The following ODAD4 variants were observed in gnomAD, a reference collection of about 807,000 sequenced individuals.
The protein encoded by ODAD4 is outer dynein arm docking complex subunit 4.
In ODAD4, 49 loss-of-function variants were observed where a neutral mutation model predicts 51.8. That is an observed-to-expected ratio of 0.95 (90% confidence interval 0.75 to 1.20). The LOEUF is 1.20. ODAD4 is among the 50% of genes most tolerant of loss of function. The pLI is 0.00. For missense variants in ODAD4, 590 were observed against 586.5 expected (o/e 1.01, Z -0.06); for synonymous variants, 235 against 221.3 (o/e 1.06, Z -0.55).
chr17:41,941,580 G>A (rs1372819955), intron 7 of ODAD4, among the ~76,000 whole-genome samples: 1 of 152,024 alleles, frequency 6.6e-6, no homozygotes, highest in African/African-American at 2.4e-5. Context: ...TGGCTAACAC[G>A]GTGAAACCCC....
intron 8 of ODAD4, among the ~76,000 whole-genome samples, chr17:41,946,261 G>A (rs945717896): frequency 2.0e-5 from 3 of 152,220 alleles, no homozygotes; most frequent in Non-Finnish European, 2.9e-5. Context: ...ACTTTAGTGC[G>A]ACAGGTGTGG....
chr17:41,955,257 G>A lies in ODAD4; in HGVS notation c.1383G>A (p.Glu461=), dbSNP rs1555640830. 1.3e-6 allele frequency: 1 copy of A among 780,034 alleles called. No individual in the cohort carries two copies. The allele number at this position is 780,034 out of a possible 1,614,324, so 48.3% of individuals were successfully genotyped here. A position where few individuals can be genotyped will look rare whatever the true frequency, so the allele number is the denominator to read the frequency against. ...TCGAGTCAGCCGTGAACAATTTTGA[G>A]AAGGCCCTGGAGAGAGCAAAGCTTG... ...RDFESAVNNF[E]KALERAKLVH... The change falls in exon 10 of 12, where the codon GAG becomes GAA. Residue 461 remains glutamate (E), a synonymous_variant. Transcript: ENST00000377540.
At chr17:41,961,216 C>CAGTA (rs2050801393) in intron 10 of ODAD4, among the ~76,000 whole-genome samples, 166 bp from the exon 11 acceptor site, 3 of 152,072 alleles carry the variant, frequency 2.0e-5, no homozygotes, top group African/African-American at 7.2e-5. Flanking sequence ...CATTCTGAGT[C>CAGTA]AGTAAGTGTA....
intron 9 of ODAD4, among the ~76,000 whole-genome samples, chr17:41,953,428 T>C (rs1381164484): frequency 2.6e-5 from 4 of 152,082 alleles, no homozygotes; most frequent in African/African-American, 9.7e-5. Flanking sequence ...AAAGCAGTGC[T>C]TGGGAGGAGG....
chr17:41,944,290 G>A (rs984375078), intron 7 of ODAD4, among the ~76,000 whole-genome samples: 5 of 151,714 alleles, frequency 3.3e-5, no homozygotes, highest in Non-Finnish European at 7.4e-5. Flanking sequence ...CTTGAACCCC[G>A]GAGGCGGAGG....
chr17:41,954,265 A>C (rs200037999), intron 9 of ODAD4, among the ~76,000 whole-genome samples: 1 of 151,810 alleles, frequency 6.6e-6, no homozygotes, highest in African/African-American at 2.4e-5. Context: ...GGGATTACAG[A>C]CGTGAGCCAC....
chr17:41,935,101 G>C, intron 1 of ODAD4, 116 bp from the exon 2 acceptor site: 1 of 1,258,256 alleles, frequency 7.9e-7, no homozygotes, highest in East Asian at 2.4e-5. Context: ...TCAGAGCCTT[G>C]ATTTCTTCAG....
intron 11 of ODAD4, among the ~76,000 whole-genome samples, chr17:41,962,870 G>C (rs536747354): frequency 4.6e-5 from 7 of 152,328 alleles, no homozygotes; most frequent in African/African-American, 1.7e-4. Flanking sequence ...AGGCTGCAAG[G>C]CTGAAATCCT....
chr17:41,954,994 C>T (rs1344627367), intron 9 of ODAD4: 3 of 653,704 alleles, frequency 4.6e-6, no homozygotes, highest in Non-Finnish European at 8.5e-6. Context: ...TTGAATGAGG[C>T]CCAGGTTCCT....
intron 9 of ODAD4, among the ~76,000 whole-genome samples, chr17:41,951,542 T>C (rs1176489584): frequency 6.9e-6 from 1 of 144,406 alleles, no homozygotes; most frequent in Non-Finnish European, 1.5e-5. Context: ...CGGGGTCAAG[T>C]GGTTTTCCTG....
chr17:41,942,748 G>T (rs1316738298), intron 7 of ODAD4, among the ~76,000 whole-genome samples: 1 of 152,216 alleles, frequency 6.6e-6, no homozygotes. Flanking sequence ...TAGGTTAGGT[G>T]TGGCAGGGCT....
At chr17:41,944,442 ACACCCC>A (rs1434358959) in intron 7 of ODAD4, among the ~76,000 whole-genome samples, 4 of 5,512 alleles carry the variant, frequency 7.3e-4, no homozygotes, top group African/African-American at 1.4e-3. Flanking sequence ...ACACACACAC[ACACCCC>A]CCCGCATACA....
intron 7 of ODAD4, 77 bp downstream of exon 7, chr17:41,939,249 G>A (rs1171869410): frequency 2.9e-6 from 4 of 1,382,690 alleles, no homozygotes; most frequent in Non-Finnish European, 3.9e-6. Context: ...CCTTGCCAGG[G>A]CTGCTGGTGG....
At chr17:41,939,777 G>A (rs868967616) in intron 7 of ODAD4, among the ~76,000 whole-genome samples, 1 of 152,136 alleles carries the variant, frequency 6.6e-6, no homozygotes, top group African/African-American at 2.4e-5. Flanking sequence ...GATGGATCAA[G>A]CAGGGTCTTT....
intron 10 of ODAD4, among the ~76,000 whole-genome samples, chr17:41,960,458 A>G (rs2050790823): frequency 1.4e-5 from 2 of 140,122 alleles, no homozygotes; most frequent in African/African-American, 2.7e-5. Flanking sequence ...AAAAAAAAAA[A>G]CAAACAAACA....
chr17:41,953,815 G>A (rs1555640617), intron 9 of ODAD4, among the ~76,000 whole-genome samples: 1 of 148,854 alleles, frequency 6.7e-6, no homozygotes, highest in Non-Finnish European at 1.5e-5. Context: ...CTACATGCAT[G>A]CGGCCTCACA....
intron 10 of ODAD4, among the ~76,000 whole-genome samples, chr17:41,958,101 A>C (rs1469468917): frequency 6.6e-6 from 1 of 152,104 alleles, no homozygotes; most frequent in Non-Finnish European, 1.5e-5. Flanking sequence ...ATGCCTCATA[A>C]CATATGCTGT....
chr17:41,933,965 C>T (rs572922528), intron 1 of ODAD4, among the ~76,000 whole-genome samples: 18 of 150,018 alleles, frequency 1.2e-4, no homozygotes, highest in Admixed American at 2.6e-4. Flanking sequence ...TTTCATTTTC[C>T]TAGCATTTTC....
chr17:41,934,657 C>T (rs150428302), intron 1 of ODAD4, among the ~76,000 whole-genome samples: 12 of 152,174 alleles, frequency 7.9e-5, no homozygotes, highest in African/African-American at 2.9e-4. Flanking sequence ...CAGCCTTTTC[C>T]TGGTATTTTC....
Sources: gnomAD v4.1 joint callset for allele counts (sites outside exome capture counted in the v4.1 genomes callset) on GRCh38, gnomAD v4.1.1 for gene constraint, MANE v1.5 for transcripts, NCBI Gene and HGNC (gene_info 2026-07-23, HGNC 2026-07-21) for gene names.